The following STIM1 variants were observed in gnomAD, a reference collection of about 807,000 sequenced individuals.
The protein encoded by STIM1 is stromal interaction molecule 1.
STIM1 carries 25 observed loss-of-function variants against 74.7 expected under a neutral mutation model. The ratio of observed to expected loss-of-function variants is 0.33; its 90% CI spans 0.24 to 0.47. The LOEUF is 0.47. Among genes scored for constraint, STIM1 ranks in the 20% least tolerant of loss-of-function variants. The pLI is 1.00. For synonymous variants in STIM1, 328 were observed against 348.8 expected (o/e 0.94, Z 0.66); for missense variants, 728 against 920.8 (o/e 0.79, Z 2.71).
intron 1 of STIM1, among the ~76,000 whole-genome samples, chr11:3,899,775 C>A (rs1312193426): frequency 4.7e-5 from 7 of 149,962 alleles, no homozygotes; most frequent in Non-Finnish European, 8.9e-5. Flanking sequence ...TTGAGATAAT[C>A]ATGTGGTTTT....
intron 3 of STIM1, among the ~76,000 whole-genome samples, chr11:4,051,371 A>C (rs967393235): frequency 9.5e-5 from 14 of 147,664 alleles, no homozygotes; most frequent in African/African-American, 3.5e-4. Flanking sequence ...GAGATGGAGT[A>C]TTGCTCTGTC....
At chr11:3,981,321 C>T (rs964887480) in intron 2 of STIM1, among the ~76,000 whole-genome samples, 1 of 152,184 alleles carries the variant, frequency 6.6e-6, no homozygotes, top group African/African-American at 2.4e-5. Context: ...TGTCATGTTG[C>T]TCTGTTCTGT....
intron 7 of STIM1, among the ~76,000 whole-genome samples, chr11:4,080,472 T>G (rs1287789851): frequency 1.3e-5 from 2 of 149,762 alleles, no homozygotes; most frequent in African/African-American, 4.9e-5. Context: ...AAACAGTTTT[T>G]TTTTTTTTTT....
intron 1 of STIM1, among the ~76,000 whole-genome samples, chr11:3,929,363 C>G (rs1385852469): frequency 6.6e-6 from 1 of 152,170 alleles, no homozygotes; most frequent in African/African-American, 2.4e-5. Context: ...ATTTACGGAG[C>G]CCCTTGCTGT....
chr11:4,027,372 C>T (rs564660166), intron 3 of STIM1, among the ~76,000 whole-genome samples: 37 of 151,940 alleles, frequency 2.4e-4, no homozygotes, highest in Admixed American at 1.7e-3. Context: ...AGTGCAGTGG[C>T]GCAATCTCAG....
At chr11:4,051,650 C>CT (rs1229079944) in intron 3 of STIM1, among the ~76,000 whole-genome samples, 2 of 152,078 alleles carry the variant, frequency 1.3e-5, no homozygotes, top group Non-Finnish European at 2.9e-5. Flanking sequence ...CATAAATTAT[C>CT]TTTTTTTATC....
chr11:4,067,298 A>G (rs2094373940), intron 5 of STIM1, among the ~76,000 whole-genome samples: 1 of 152,196 alleles, frequency 6.6e-6, no homozygotes, highest in Admixed American at 6.5e-5. Flanking sequence ...CCTTGGTAGC[A>G]CAAGAATTTC....
Position 4,055,548 on chromosome 11 carries a change from G to T in STIM1, c.408G>T (p.Glu136Asp), listed in dbSNP as rs200648767. Residue 136 changes from glutamate (E) to aspartate (D), a missense_variant, in exon 4 of 13, where the codon GAG (glutamate) becomes GAT (aspartate). By Grantham distance (45) the Glu-to-Asp change is conservative (BLOSUM62 2). Transcript: ENST00000526596. ...SSEVYNWTVDEVVQWLITYVE... is the reference protein window; with the variant it reads ...SSEVYNWTVDDVVQWLITYVE... ...CAGTATACAATTGGACCGTGGATGA[G>T]GTGGTACAGTGGCTGATCACATATG... is the stretch of plus-strand genomic sequence containing the variant. 1 of 1,600,730 alleles carries T rather than the reference G, an allele frequency of 6.2e-7. No individual in the cohort carries two copies. Among genetic ancestry groups the T allele is most frequent in the South Asian group, 1.1e-5 (1 of 88,162 alleles).
At chr11:3,925,498 T>A (rs2092776708) in intron 1 of STIM1, among the ~76,000 whole-genome samples, 1 of 152,224 alleles carries the variant, frequency 6.6e-6, no homozygotes, top group Non-Finnish European at 1.5e-5. Flanking sequence ...CAATAATATG[T>A]TCCTGTTTTT....
At chr11:3,892,534 C>T in intron 1 of STIM1, 3 of 1,596,178 alleles carry the variant, frequency 1.9e-6, no homozygotes, top group Non-Finnish European at 2.6e-6. Context: ...ACCACTCAGT[C>T]TTGGCAGTGC....
intron 1 of STIM1, among the ~76,000 whole-genome samples, chr11:3,899,834 T>C (rs1185331427): frequency 1.3e-5 from 2 of 151,708 alleles, no homozygotes; most frequent in African/African-American, 4.9e-5. Flanking sequence ...GATTTGTGTA[T>C]ATTGAACCAG....
intron 1 of STIM1, among the ~76,000 whole-genome samples, chr11:3,945,361 G>A (rs1445222049): frequency 6.6e-6 from 1 of 152,062 alleles, no homozygotes; most frequent in Non-Finnish European, 1.5e-5. Context: ...TGGATCACCT[G>A]CGGTCAAGAG....
intron 1 of STIM1, among the ~76,000 whole-genome samples, chr11:3,910,279 G>A (rs1351204018): frequency 6.6e-6 from 1 of 152,218 alleles, no homozygotes; most frequent in Admixed American, 6.5e-5. Flanking sequence ...CTGAGGTCAG[G>A]AAAGGTTAGA....
chr11:3,931,192 A>T (rs1007601040), intron 1 of STIM1, among the ~76,000 whole-genome samples: 1 of 152,172 alleles, frequency 6.6e-6, no homozygotes, highest in African/African-American at 2.4e-5. Context: ...TTGGATCTGA[A>T]AATTGAGAGA....
At chr11:3,913,707 A>G (rs1348091600) in intron 1 of STIM1, among the ~76,000 whole-genome samples, 4 of 152,284 alleles carry the variant, frequency 2.6e-5, no homozygotes, top group East Asian at 1.9e-4. Flanking sequence ...TACATTCACA[A>G]TGTTGTACAG....
At chr11:4,061,912 A>T (rs1353981100) in intron 5 of STIM1, among the ~76,000 whole-genome samples, 2 of 152,254 alleles carry the variant, frequency 1.3e-5, no homozygotes, top group Non-Finnish European at 2.9e-5. Context: ...GATTCTGTTA[A>T]TATGAAATGA....
chr11:3,991,173 T>C (rs1035603629), intron 2 of STIM1, among the ~76,000 whole-genome samples: 2 of 149,160 alleles, frequency 1.3e-5, no homozygotes, highest in African/African-American at 4.9e-5. Flanking sequence ...TCCTTTCTTT[T>C]TTTTTTTTTT....
At chr11:4,064,415 A>T (rs965853072) in intron 5 of STIM1, among the ~76,000 whole-genome samples, 6 of 152,058 alleles carry the variant, frequency 3.9e-5, no homozygotes, top group Non-Finnish European at 8.8e-5. Context: ...ACTGGCTCTG[A>T]CCTGTATTCT....
chr11:4,038,185 C>G (rs1487499367), intron 3 of STIM1, among the ~76,000 whole-genome samples: 1 of 151,868 alleles, frequency 6.6e-6, no homozygotes, highest in Admixed American at 6.6e-5. Context: ...CAGGTGCATG[C>G]CACTACGCCC....
Sources: allele counts gnomAD v4.1 joint callset (sites outside exome capture counted in the v4.1 genomes callset), GRCh38; gene constraint gnomAD v4.1.1; transcripts MANE v1.5; gene names NCBI Gene and HGNC (gene_info 2026-07-23, HGNC 2026-07-21).